Variants in TAF4 observed in about 807,000 individuals in gnomAD.
TAF4 encodes TATA-box binding protein associated factor 4.
In TAF4, 9 loss-of-function variants were observed where a neutral mutation model predicts 90.3. The observed-to-expected ratio is 0.10, with a 90% CI of 0.06 to 0.17. TAF4 has a LOEUF of 0.17. Among genes scored for constraint, TAF4 ranks in the 10% least tolerant of loss-of-function variants. TAF4 has a pLI of 1.00. For missense variants in TAF4, 1,351 were observed against 1,370.7 expected, an observed-to-expected ratio of 0.99 and a Z score of 0.23; for synonymous variants, 818 against 638.9, an observed-to-expected ratio of 1.28 and a Z score of -4.23.
intron 1 of TAF4, among the ~76,000 whole-genome samples, chr20:62,035,623 A>C (rs2055927970): frequency 1.3e-5 from 2 of 152,270 alleles, no homozygotes; most frequent in Non-Finnish European, 2.9e-5. Flanking sequence ...AATACAGAAG[A>C]CTATTCCTAT....
intron 14 of TAF4, among the ~76,000 whole-genome samples, chr20:61,984,664 GCC>G (rs1385393637): frequency 3.3e-5 from 4 of 121,728 alleles, no homozygotes; most frequent in East Asian, 2.6e-4. Context: ...CGAGGGCAGT[GCC>G]CGGGACATCA....
intron 14 of TAF4, among the ~76,000 whole-genome samples, chr20:61,987,607 T>C (rs1053898726): frequency 1.3e-5 from 2 of 152,166 alleles, no homozygotes; most frequent in African/African-American, 4.8e-5. Context: ...AACAGGACCC[T>C]CAGCCGTGGC....
chr20:62,014,032 G>A (rs534860691), intron 2 of TAF4, among the ~76,000 whole-genome samples: 1 of 145,126 alleles, frequency 6.9e-6, no homozygotes, highest in East Asian at 2.5e-4. Context: ...GTGTGTGTGT[G>A]TGTGTGTGTG....
intron 7 of TAF4, 137 bp from the exon 8 acceptor site, chr20:62,004,015 G>A: frequency 1.8e-6 from 2 of 1,120,312 alleles, no homozygotes; most frequent in Non-Finnish European, 2.4e-6. Flanking sequence ...GACCCCGTGT[G>A]CAGCTCAGCC....
chr20:62,022,011 C>T (rs28554071), intron 1 of TAF4, among the ~76,000 whole-genome samples: 1 of 151,948 alleles, frequency 6.6e-6, no homozygotes, highest in Non-Finnish European at 1.5e-5. Context: ...GCATCAGAGG[C>T]GGAGCGGGCC....
intron 14 of TAF4, among the ~76,000 whole-genome samples, chr20:61,981,898 C>T (rs6061941): frequency 0.026 from 3,389 of 132,530 alleles, 204 homozygotes; most frequent in African/African-American, 0.092. Flanking sequence ...CGAGAGGAGA[C>T]ATCAAACCCA....
chr20:62,060,931 G>A (rs1600867419), intron 1 of TAF4, among the ~76,000 whole-genome samples: 4 of 152,358 alleles, frequency 2.6e-5, no homozygotes, highest in African/African-American at 9.6e-5. Context: ...GGAACTGGGA[G>A]AGTTTGGAAT....
At chr20:61,991,996 TACA>T (rs2055634533) in intron 14 of TAF4, among the ~76,000 whole-genome samples, 1 of 152,018 alleles carries the variant, frequency 6.6e-6, no homozygotes, top group Admixed American at 6.6e-5. Flanking sequence ...CTTCAGTAAA[TACA>T]ACGTGAGCCA....
chr20:61,982,150 G>A (rs1320548321), intron 14 of TAF4, among the ~76,000 whole-genome samples: 35 of 34,078 alleles, frequency 1.0e-3, no homozygotes, highest in Middle Eastern at 0.019. Context: ...CCCTAGAAGA[G>A]ACACCAAACT....
chr20:62,005,482 G>C (rs913569221), intron 7 of TAF4: 3 of 152,302 alleles, frequency 2.0e-5, no homozygotes, highest in Non-Finnish European at 4.4e-5. Flanking sequence ...GGCTGTGCCT[G>C]CTTAAACAGA....
At chr20:61,990,794 C>T (rs1421709504) in intron 14 of TAF4, among the ~76,000 whole-genome samples, 2 of 152,184 alleles carry the variant, frequency 1.3e-5, no homozygotes, top group African/African-American at 4.8e-5. Context: ...GTGCACAGAG[C>T]CCCGGAGCCA....
chr20:61,997,093 G>C (rs926511994), intron 14 of TAF4, among the ~76,000 whole-genome samples: 20 of 152,144 alleles, frequency 1.3e-4, no homozygotes, highest in Non-Finnish European at 2.5e-4. Flanking sequence ...ATAATTATTA[G>C]ACTAAAAGAT....
At chr20:61,981,072 T>C (rs2055538045) in intron 14 of TAF4, 3 of 152,392 alleles carry the variant, frequency 2.0e-5, no homozygotes, top group African/African-American at 7.2e-5. Context: ...GGGGAAGTTC[T>C]GGGTCCTGCA....
chr20:62,051,213 C>G (rs1414292985), intron 1 of TAF4, among the ~76,000 whole-genome samples: 1 of 152,190 alleles, frequency 6.6e-6, no homozygotes, highest in Non-Finnish European at 1.5e-5. Flanking sequence ...GACCGGCAGC[C>G]TTGGGAGGGT....
intron 1 of TAF4, among the ~76,000 whole-genome samples, chr20:62,016,054 A>T (rs2055810302): frequency 6.6e-6 from 1 of 152,206 alleles, no homozygotes; most frequent in Non-Finnish European, 1.5e-5. Context: ...AGTAACAGGA[A>T]AGGCCTCCAA....
intron 1 of TAF4, among the ~76,000 whole-genome samples, chr20:62,063,203 G>A (rs1419209729): frequency 6.6e-6 from 1 of 152,070 alleles, no homozygotes; most frequent in Non-Finnish European, 1.5e-5. Flanking sequence ...CCCCACCCCT[G>A]CCCTGTCCAG....
At position 61,987,517 on chromosome 20, in the gene TAF4, T is replaced by G. The variant is rs571769670; in HGVS notation, c.3090+10033A>C. On this transcript the variant is annotated intron_variant, in intron 14 of 14. Coordinates refer to ENST00000252996, the MANE Select transcript of TAF4 (RefSeq NM_003185.4). Reference sequence around the variant, plus strand: ...CCTCCGTCACCAGGGAGATGCAAATTAAAACAAGATGCACACACCTACTAG... The same window carrying G: ...CCTCCGTCACCAGGGAGATGCAAATGAAAACAAGATGCACACACCTACTAG... 1.4e-4 allele frequency among the ~76,000 whole-genome samples: 21 copies of G among 152,108 alleles called. No individual in the cohort carries two copies. In the East Asian group the frequency reaches 3.9e-3, roughly 28 times the overall value.
chr20:62,041,842 G>A (rs2055965459), intron 1 of TAF4, among the ~76,000 whole-genome samples: 1 of 151,628 alleles, frequency 6.6e-6, no homozygotes, highest in Non-Finnish European at 1.5e-5. Flanking sequence ...GCCAAGGCAG[G>A]AGGATCACAT....
intron 1 of TAF4, among the ~76,000 whole-genome samples, chr20:62,063,524 G>A (rs1337089955): frequency 6.6e-6 from 1 of 152,170 alleles, no homozygotes; most frequent in Admixed American, 6.5e-5. Flanking sequence ...GAGGGGCCCT[G>A]AGGAGTCGCA....
Sources: allele counts gnomAD v4.1 joint callset (sites outside exome capture counted in the v4.1 genomes callset), GRCh38; gene constraint gnomAD v4.1.1; transcripts MANE v1.5; gene names NCBI Gene and HGNC (gene_info 2026-07-23, HGNC 2026-07-21).